The following SLC16A6 variants were observed in gnomAD, a reference collection of about 807,000 sequenced individuals.
The protein encoded by SLC16A6 is solute carrier family 16 member 6.
SLC16A6 carries 15 observed loss-of-function variants against 33.8 expected under a neutral mutation model. The ratio of observed to expected loss-of-function variants is 0.44; its 90% confidence interval spans 0.30 to 0.68. SLC16A6 has a LOEUF of 0.68. Ranked by LOEUF, SLC16A6 falls within the 30% of genes least tolerant of loss-of-function variation. The pLI is 0.10. For synonymous variants in SLC16A6, 219 were observed against 248.4 expected (o/e 0.88, Z 1.11); for missense variants, 451 against 661.5 (o/e 0.68, Z 3.49).
chr17:68,282,252 C>CA lies in SLC16A6; in HGVS notation c.-7-3926dup, dbSNP rs1177613309. 1.2e-4 allele frequency among the ~76,000 whole-genome samples: 17 copies of CA among 146,254 alleles called. 1 individual carries two copies. The highest frequency in any genetic ancestry group is 2.0e-4 in the African/African-American group (8 of 39,522). On this transcript the variant is annotated intron_variant, in intron 1 of 5. Transcript: ENST00000580666. ...CATTCTCAGCAAACTATCGCAAGGA[C>CA]AAAAAAAACAAACACCACACGTTCT...
intron 1 of SLC16A6, among the ~76,000 whole-genome samples, chr17:68,279,689 T>C (rs3785613): frequency 0.22 from 33,195 of 152,076 alleles, 3,777 homozygotes; most frequent in Middle Eastern, 0.29. Context: ...TAAGGAGACA[T>C]TGACATTGAC....
At chr17:68,270,803 G>T in intron 5 of SLC16A6, 36 bp downstream of exon 5, 2 of 1,518,396 alleles carry the variant, frequency 1.3e-6, no homozygotes. Context: ...ACAAGGGAAA[G>T]TAGACAAGTG....
intron 1 of SLC16A6, among the ~76,000 whole-genome samples, chr17:68,286,414 C>G (rs1257094517): frequency 1.3e-5 from 2 of 152,164 alleles, no homozygotes; most frequent in African/African-American, 2.4e-5. Flanking sequence ...AACTGATCCC[C>G]AAGAGGTGAA....
intron 1 of SLC16A6, among the ~76,000 whole-genome samples, chr17:68,286,153 A>G (rs1433313288): frequency 6.6e-6 from 1 of 152,134 alleles, no homozygotes; most frequent in Non-Finnish European, 1.5e-5. Flanking sequence ...TTTTTGTATG[A>G]GCTGAGATTA....
chr17:68,277,362 C>T (rs1555751307), intron 2 of SLC16A6, among the ~76,000 whole-genome samples: 1 of 151,964 alleles, frequency 6.6e-6, no homozygotes, highest in Non-Finnish European at 1.5e-5. Flanking sequence ...GAATTCCTGA[C>T]CTCGTGATCC....
At chr17:68,291,379 C>T (rs1484213154), upstream of SLC16A6, 6 of 147,962 alleles carry the variant, frequency 4.1e-5, no homozygotes, top group Admixed American at 6.7e-5. Flanking sequence ...CGCTGCCTAG[C>T]TCTTATCCTA....
chr17:68,278,074 G>T lies in SLC16A6; in HGVS notation c.232+15C>A, dbSNP rs782735066. ...CCTATACTTACGTCATGGTTAGGCC[G>T]AAAGATGTACTAACCTGAAAATGTT... On this transcript the variant is annotated intron_variant, in intron 2 of 5. Coordinates refer to ENST00000580666, the MANE Select transcript of SLC16A6 (RefSeq NM_004694.5). 4 of 1,584,710 alleles carry T rather than the reference G, an allele frequency of 2.5e-6. No homozygotes were observed. Among genetic ancestry groups the T allele is most frequent in the South Asian group, 1.1e-5 (1 of 90,132 alleles).
chr17:68,274,195 G>C, intron 2 of SLC16A6, 125 bp from the exon 3 acceptor site: 1 of 1,026,380 alleles, frequency 9.7e-7, no homozygotes, highest in Non-Finnish European at 1.4e-6. Context: ...GCCGAGCGCA[G>C]TGGCTCATGC....
At chr17:68,270,605 A>C (rs1246514930) in intron 5 of SLC16A6, among the ~76,000 whole-genome samples, 1 of 151,582 alleles carries the variant, frequency 6.6e-6, no homozygotes, top group African/African-American at 2.4e-5. Context: ...CACAGCTTCC[A>C]GTCCTGAATC....
At chr17:68,283,878 C>CAAAAAAAA (rs58291216) in intron 1 of SLC16A6, among the ~76,000 whole-genome samples, 1 of 55,430 alleles carries the variant, frequency 1.8e-5, no homozygotes, top group Non-Finnish European at 3.4e-5. Context: ...AACTCCGTCT[C>CAAAAAAAA]AAAAAAAAAA....
intron 1 of SLC16A6, chr17:68,285,553 C>T (rs2075822171): frequency 6.6e-6 from 1 of 152,306 alleles, no homozygotes; most frequent in Non-Finnish European, 1.5e-5. Flanking sequence ...ACCTGTGCTT[C>T]CAGCTACTCG....
chr17:68,284,464 TG>T (rs1461141739), intron 1 of SLC16A6, among the ~76,000 whole-genome samples: 2 of 152,298 alleles, frequency 1.3e-5, no homozygotes, highest in East Asian at 3.9e-4. Context: ...TGTATACAGG[TG>T]AATTTTCAGG....
At position 68,269,188 on chromosome 17, in the gene SLC16A6, C is replaced by T; in HGVS notation, c.1480G>A (p.Gly494Arg). 1.9e-6 allele frequency: 3 copies of T among 1,564,976 alleles called. No individual in the cohort carries two copies. Among genetic ancestry groups the T allele is most frequent in the Non-Finnish European group, 2.6e-6 (3 of 1,155,344 alleles). Reference protein sequence around the residue: ...SGETKVVSHRGKTLQDIPEDF... With the variant: ...SGETKVVSHRRKTLQDIPEDF... ...TCAGGTATGTCCTGTAAAGTCTTCC[C>T]ACGATGGCTCACTACCTTTGTTTCA... The change falls in exon 6 of 6, where the codon GGG (glycine) becomes AGG (arginine). Residue 494 changes from glycine to arginine, a missense_variant. Coordinates refer to ENST00000580666, the MANE Select transcript of SLC16A6 (RefSeq NM_004694.5).
upstream of SLC16A6, chr17:68,291,174 T>C (rs143320275): frequency 1.3e-5 from 2 of 151,630 alleles, no homozygotes; most frequent in Non-Finnish European, 2.9e-5. Flanking sequence ...CTCGGTAACA[T>C]GAGAAAAGGA....
In SLC16A6 at chr17:68,271,030, G is replaced by A; in HGVS notation, c.1130C>T (p.Thr377Ile). 6.2e-7 allele frequency: 1 copy of A among 1,614,164 alleles called. No homozygotes were observed. The highest frequency in any genetic ancestry group is 8.5e-7 in the Non-Finnish European group (1 of 1,180,044). ...ILLTVSLFAF[T>I]FATEFWGLMS... ...TAGACCCCAGAATTCAGTAGCAAAA[G>A]TAAAGGCAAACAGAGACACAGTCAA... Residue 377 changes from threonine (T) to isoleucine (I), a missense_variant, in exon 5 of 6, where the codon ACT becomes ATT. By Grantham distance (89) the Thr-to-Ile change is moderately conservative. This residue lies in a region of SLC16A6 where 405 missense variants were observed against 510.7 expected (regional missense o/e 0.79). Transcript: ENST00000580666. This position sits in a 1 kb window ranked among gnomAD's most constrained non-coding sequence, Gnocchi z 5.3.
chr17:68,290,468 AC>A (rs1272782766), intron 1 of SLC16A6, among the ~76,000 whole-genome samples: 1 of 152,168 alleles, frequency 6.6e-6, no homozygotes, highest in African/African-American at 2.4e-5. Context: ...GTTGCGCGGG[AC>A]CGGCCGTCAG....
chr17:68,288,163 A>ATT (rs531417432), intron 1 of SLC16A6, among the ~76,000 whole-genome samples: 11 of 147,770 alleles, frequency 7.4e-5, no homozygotes, highest in African/African-American at 2.5e-4. Flanking sequence ...CGCCCGGCTG[A>ATT]TTTTTTTTTT....
At chr17:68,274,916 G>T (rs1034708304) in intron 2 of SLC16A6, among the ~76,000 whole-genome samples, 5 of 152,050 alleles carry the variant, frequency 3.3e-5, no homozygotes, top group Non-Finnish European at 7.4e-5. Context: ...AAGTAGCTGG[G>T]ATTACAGGCA....
chr17:68,277,963 C>A, intron 2 of SLC16A6, 126 bp downstream of exon 2: 1 of 649,420 alleles, frequency 1.5e-6, no homozygotes, highest in African/African-American at 1.8e-5. Flanking sequence ...TTAGTCAGGG[C>A]TAGGAAGGAC....
Sources: allele counts gnomAD v4.1 joint callset (sites outside exome capture counted in the v4.1 genomes callset), GRCh38; gene constraint gnomAD v4.1.1; regional missense constraint gnomAD v4.1.1; non-coding constraint Gnocchi (gnomAD v3.1); transcripts MANE v1.5; gene names NCBI Gene and HGNC (gene_info 2026-07-23, HGNC 2026-07-21).